Variants in MSANTD3 observed in about 807,000 individuals in gnomAD.
MSANTD3 encodes myb/SANT-like DNA-binding domain-containing protein 3.
A neutral mutation model predicts 27.7 loss-of-function variants in MSANTD3; 11 were observed. The observed-to-expected ratio is 0.40, with a 90% CI of 0.25 to 0.66. The LOEUF (loss-of-function observed/expected upper bound fraction) is 0.66. Among genes scored for constraint, MSANTD3 ranks in the 30% least tolerant of loss-of-function variants. The pLI, the probability that MSANTD3 is intolerant of heterozygous loss-of-function variation, is 0.41. For synonymous variants in MSANTD3, 131 were observed against 127.2 expected, an observed-to-expected ratio of 1.03 and a Z score of -0.20; for missense variants, 250 against 336.5, an observed-to-expected ratio of 0.74 and a Z score of 2.01.
chr9:100,429,282 G>A (rs1261261572), intron 1 of MSANTD3, among the ~76,000 whole-genome samples: 3 of 152,196 alleles, frequency 2.0e-5, no homozygotes, highest in African/African-American at 7.2e-5. Flanking sequence ...ACAGTTTGGG[G>A]TTTGAATCCT....
At position 100,451,258 on chromosome 9, in the gene MSANTD3, T is replaced by TG. The variant is rs57687044; in HGVS notation, c.*292_*293insG. ...CACGTGTGAGTGTTGTTGTTGTTGT[T>TG]TTTTTTTTTAATCAAATGCAAGTGT... On this transcript the variant is annotated 3_prime_UTR_variant, in exon 3 of 3. Transcript: ENST00000395067. The TG allele has an allele frequency of 3.9e-3, 1,077 of 272,960 alleles. 12 individuals are homozygous for TG. The highest frequency in any genetic ancestry group is 0.022 in the African/African-American group (996 of 44,902). 16.9% of individuals were successfully genotyped at this position (272,960 alleles called of 1,614,324 possible). A position where few individuals can be genotyped will look rare whatever the true frequency, so the allele number is the denominator to read the frequency against.
At chr9:100,440,756 A>AT (rs920490640) in intron 1 of MSANTD3, among the ~76,000 whole-genome samples, 5 of 51,862 alleles carry the variant, frequency 9.6e-5, no homozygotes, top group African/African-American at 1.5e-4. Context: ...ACACCTGGCT[A>AT]TTTTTTTTTC....
At position 100,451,711 on chromosome 9, in the gene MSANTD3, T is replaced by TAAAA. The variant is rs58682069; in HGVS notation, c.*756_*759dup. 7.0e-6 allele frequency: 1 copy of TAAAA among 143,434 alleles called. No homozygotes were observed. The highest frequency in any genetic ancestry group is 1.5e-5 in the Non-Finnish European group (1 of 65,408). The allele number at this position is 143,434 out of a possible 1,614,324, so 8.9% of individuals were successfully genotyped here. On this transcript the variant is annotated 3_prime_UTR_variant, in exon 3 of 3. Coordinates refer to ENST00000395067, the MANE Select transcript of MSANTD3 (RefSeq NM_080655.3). The stretch of plus-strand genomic sequence containing the variant: ...CTACATTCTGTTATGTTGGTTTTAT[T>TAAAA]AAAAAAAAAAAAAAGACTTGCAATT...
chr9:100,450,920 A>G lies in MSANTD3; in HGVS notation c.782A>G (p.Glu261Gly), dbSNP rs1836869931. The G allele has an allele frequency of 6.2e-7, 1 of 1,610,798 alleles. No individual in the cohort carries two copies. The highest frequency in any genetic ancestry group is 8.5e-7 in the Non-Finnish European group (1 of 1,179,008). Residue 261 changes from glutamate (E) to glycine (G), a missense_variant, in exon 3 of 3, where the codon GAA (glutamate) becomes GGA (glycine). By Grantham distance (98) the Glu-to-Gly change is moderately conservative. Around this residue, in one of 3 missense-constraint regions of MSANTD3, gnomAD observed 235 missense variants for 299.3 expected, o/e 0.79. Transcript: ENST00000395067. ...WERKLQTFTK[E>G]WPVSSFNRPF... ...AGAAAACTACAAACTTTTACCAAGGAATGGCCTGTTTCCTCATTTAACCGG... is the reference window on the plus strand; with the variant it reads ...AGAAAACTACAAACTTTTACCAAGGGATGGCCTGTTTCCTCATTTAACCGG...
chr9:100,442,874 C>T (rs985001825), intron 2 of MSANTD3, among the ~76,000 whole-genome samples: 1 of 150,982 alleles, frequency 6.6e-6, no homozygotes, highest in Admixed American at 6.6e-5. Flanking sequence ...ATTGTGCTAG[C>T]TCTCTTGGAG....
intron 1 of MSANTD3, among the ~76,000 whole-genome samples, chr9:100,430,801 A>T (rs1836359598): frequency 6.6e-6 from 1 of 152,198 alleles, no homozygotes; most frequent in African/African-American, 2.4e-5. Flanking sequence ...GGCTGACATC[A>T]TCAGAAATCA....
chr9:100,441,018 C>T (rs1035023456), intron 1 of MSANTD3, among the ~76,000 whole-genome samples: 3 of 148,756 alleles, frequency 2.0e-5, no homozygotes, highest in Non-Finnish European at 4.5e-5. Flanking sequence ...TCACTGCAAC[C>T]TCCACCTCCC....
chr9:100,445,498 CAAT>C (rs1193959728), intron 2 of MSANTD3, among the ~76,000 whole-genome samples: 4 of 151,954 alleles, frequency 2.6e-5, no homozygotes, highest in South Asian at 2.1e-4. Flanking sequence ...CATGTTGAAA[CAAT>C]AATATTTTAG....
intron 2 of MSANTD3, chr9:100,445,001 C>T (rs72735116): frequency 0.039 from 21,493 of 548,128 alleles, 593 homozygotes; most frequent in Middle Eastern, 0.07. Context: ...CCAAATGCTC[C>T]TTGCTCCTGT....
intron 1 of MSANTD3, among the ~76,000 whole-genome samples, chr9:100,440,048 A>C (rs1205327665): frequency 6.6e-6 from 1 of 152,162 alleles, no homozygotes; most frequent in Non-Finnish European, 1.5e-5. Flanking sequence ...TTTTATAGGA[A>C]GCTTTCTGTG....
chr9:100,444,919 A>G (rs759450989), intron 2 of MSANTD3: 18 of 368,102 alleles, frequency 4.9e-5, no homozygotes, highest in Non-Finnish European at 7.8e-5. Flanking sequence ...AAACGGATTT[A>G]TTTTAAATTG....
chr9:100,437,516 A>C (rs1305367515), intron 1 of MSANTD3, among the ~76,000 whole-genome samples: 2 of 152,210 alleles, frequency 1.3e-5, no homozygotes, highest in Non-Finnish European at 2.9e-5. Flanking sequence ...TAAACAGCCT[A>C]TTTCACAAGG....
At chr9:100,434,139 G>T (rs1461083460) in intron 1 of MSANTD3, among the ~76,000 whole-genome samples, 1 of 152,164 alleles carries the variant, frequency 6.6e-6, no homozygotes, top group African/African-American at 2.4e-5. Context: ...GTAGGTGTTT[G>T]GTTAATCCTC....
chr9:100,440,721 G>A (rs1255468491), intron 1 of MSANTD3, among the ~76,000 whole-genome samples: 1 of 146,106 alleles, frequency 6.8e-6, no homozygotes, highest in Non-Finnish European at 1.5e-5. Flanking sequence ...CTCCCAAGTA[G>A]CTGGGATTAC....
intron 2 of MSANTD3, among the ~76,000 whole-genome samples, chr9:100,446,565 C>G (rs1836758628): frequency 1.3e-5 from 2 of 152,106 alleles, no homozygotes; most frequent in African/African-American, 4.8e-5. Context: ...GTGGTTCACA[C>G]CTGTAATCCT....
chr9:100,436,642 A>G (rs924217672), intron 1 of MSANTD3, among the ~76,000 whole-genome samples: 1 of 152,216 alleles, frequency 6.6e-6, no homozygotes, highest in Non-Finnish European at 1.5e-5. Flanking sequence ...GTTTTAAACA[A>G]GAGTATCCTT....
chr9:100,433,935 G>T (rs145133386), intron 1 of MSANTD3, among the ~76,000 whole-genome samples: 73 of 152,220 alleles, frequency 4.8e-4, no homozygotes, highest in African/African-American at 1.7e-3. Context: ...AGGAGTTAAG[G>T]TTCCTGTTCT....
chr9:100,433,358 C>T (rs976640458), intron 1 of MSANTD3, among the ~76,000 whole-genome samples: 10 of 151,968 alleles, frequency 6.6e-5, no homozygotes, highest in African/African-American at 2.4e-4. Flanking sequence ...ATGTCCTTAA[C>T]CTCTATATTA....
At chr9:100,449,941 G>T (rs923249171) in intron 2 of MSANTD3, among the ~76,000 whole-genome samples, 2 of 152,096 alleles carry the variant, frequency 1.3e-5, no homozygotes, top group Non-Finnish European at 2.9e-5. Context: ...AAATAAGAGG[G>T]ACATTGAAAA....
Sources: gnomAD v4.1 joint callset for allele counts (sites outside exome capture counted in the v4.1 genomes callset) on GRCh38, gnomAD v4.1.1 for gene constraint, gnomAD v4.1.1 regional missense constraint, MANE v1.5 for transcripts, NCBI Gene and HGNC (gene_info 2026-07-23, HGNC 2026-07-21) for gene names.